NLRP8: variants seen among roughly 807,000 people sequenced by gnomAD.
The protein encoded by NLRP8 is NLR family pyrin domain containing 8, also known as NACHT, LRR and PYD domains-containing protein 8.
Under a neutral mutation model 88.7 loss-of-function variants are expected in NLRP8, and 86 were observed. The observed-to-expected ratio is 0.97, with a 90% CI of 0.81 to 1.16. NLRP8 has a LOEUF of 1.16. Among genes scored for constraint, NLRP8 ranks in the 50% most tolerant of loss-of-function variants. The probability of loss-of-function intolerance (pLI) is 0.00; values close to 1 mark genes in which losing one functional copy is unlikely to be tolerated. For missense variants in NLRP8, 1,342 were observed against 1,286.5 expected (o/e 1.04, Z -0.66); for synonymous variants, 504 against 494.6 (o/e 1.02, Z -0.25).
intron 5 of NLRP8, among the ~76,000 whole-genome samples, chr19:55,967,504 A>G (rs1406181237): frequency 6.6e-6 from 1 of 152,346 alleles, no homozygotes; most frequent in East Asian, 1.9e-4. Flanking sequence ...AGTTCCATCC[A>G]TGTCGTTGCA....
chr19:55,976,250 G>T lies in NLRP8; in HGVS notation c.2823G>T (p.Val941=). The T allele has an allele frequency of 6.2e-7, 1 of 1,613,634 alleles. No homozygotes were observed. The highest frequency in any genetic ancestry group is 8.5e-7 in the Non-Finnish European group (1 of 1,179,886). ...TTAATAGCCTGAAGGATGATGGGGT[G>T]ATCCTGCTGTGTGAGGCCCTGAAGA... Residue 941 remains valine (V), a synonymous_variant, in exon 8 of 10, where the codon GTG becomes GTT. Transcript: ENST00000291971.
At chr19:55,975,992 A>AAAC in intron 7 of NLRP8, 141 bp from the exon 8 acceptor site, 1 of 850,838 alleles carries the variant, frequency 1.2e-6, no homozygotes, top group East Asian at 2.9e-5. Context: ...GCAAAAACAA[A>AAAC]AAACAAACAA....
intron 9 of NLRP8, among the ~76,000 whole-genome samples, chr19:55,983,532 G>T (rs1233892175): frequency 1.3e-5 from 2 of 150,670 alleles, no homozygotes; most frequent in African/African-American, 4.9e-5. Flanking sequence ...CCATCAGAAG[G>T]TGCTGAAACC....
chr19:55,987,767 C>A, intron 9 of NLRP8: 1 of 1,401,240 alleles, frequency 7.1e-7, no homozygotes, highest in Non-Finnish European at 1.0e-6. Context: ...AGTCACTCAT[C>A]CTCAGAAAAT....
chr19:55,970,831 T>A, intron 6 of NLRP8, 135 bp downstream of exon 6: 1 of 1,145,192 alleles, frequency 8.7e-7, no homozygotes, highest in Non-Finnish European at 1.2e-6. Flanking sequence ...GTGATTGATG[T>A]AATTATATAG....
At chr19:55,957,260 G>T (rs1435858657) in intron 3 of NLRP8, among the ~76,000 whole-genome samples, 2 of 152,194 alleles carry the variant, frequency 1.3e-5, no homozygotes, top group Non-Finnish European at 2.9e-5. Flanking sequence ...CCGAGTGAAT[G>T]AACGTTTACA....
At chr19:55,966,442 G>T in intron 5 of NLRP8, 62 bp downstream of exon 5, 1 of 1,445,950 alleles carries the variant, frequency 6.9e-7, no homozygotes. Flanking sequence ...TTTCAAGGGC[G>T]GTGATGAGAG....
At chr19:55,948,597 G>C (rs894392587) in intron 1 of NLRP8, among the ~76,000 whole-genome samples, 2 of 151,988 alleles carry the variant, frequency 1.3e-5, no homozygotes, top group African/African-American at 4.8e-5. Context: ...CACCATGCCT[G>C]GGTAATTTTT....
intron 8 of NLRP8, 103 bp downstream of exon 8, chr19:55,976,406 G>T: frequency 9.9e-7 from 1 of 1,007,616 alleles, no homozygotes; most frequent in East Asian, 2.9e-5. Context: ...TTAAGTTTCT[G>T]GATTGTTCCC....
chr19:55,986,338 TCA>T (rs1229253553), intron 9 of NLRP8, among the ~76,000 whole-genome samples: 7 of 147,318 alleles, frequency 4.8e-5, no homozygotes, highest in Non-Finnish European at 6.0e-5. Context: ...ACTCTCTGTC[TCA>T]CACACATTGT....
intron 2 of NLRP8, among the ~76,000 whole-genome samples, chr19:55,953,256 A>C (rs938570442): frequency 6.6e-6 from 1 of 152,146 alleles, no homozygotes; most frequent in African/African-American, 2.4e-5. Flanking sequence ...TCACCCCTGG[A>C]TGGGACCATC....
chr19:55,957,335 A>G (rs1443885486), intron 3 of NLRP8, among the ~76,000 whole-genome samples: 1 of 152,158 alleles, frequency 6.6e-6, no homozygotes. Flanking sequence ...ACCATATCAG[A>G]CAGCACACCT....
intron 5 of NLRP8, among the ~76,000 whole-genome samples, chr19:55,969,074 G>A (rs1184125767): frequency 6.6e-6 from 1 of 152,144 alleles, no homozygotes; most frequent in Admixed American, 6.5e-5. Flanking sequence ...GACATTTACT[G>A]CCACACACCT....
chr19:55,948,162 T>C lies in NLRP8; in HGVS notation c.260T>C (p.Leu87Pro), dbSNP rs758596078. Reference sequence around the variant, plus strand: ...GCCAGCTGGGCAGAGGTGGTTCATCTCTTGATAGAGCGTTTCCCTGGACGA... The same window carrying C: ...GCCAGCTGGGCAGAGGTGGTTCATCCCTTGATAGAGCGTTTCCCTGGACGA... Residue 87 changes from leucine to proline, a missense_variant, in exon 1 of 10, where the codon CTC becomes CCC. Leu to Pro is a moderately conservative substitution (Grantham distance 98). Transcript: ENST00000291971. The C allele has an allele frequency of 1.2e-6, 2 of 1,614,178 alleles. No individual in the cohort carries two copies. Among genetic ancestry groups the C allele is most frequent in the Admixed American group, 3.3e-5 (2 of 60,010 alleles).
At position 55,966,270 on chromosome 19, in the gene NLRP8, G is replaced by A. The variant is rs931058663; in HGVS notation, c.2271G>A (p.Gly757=). 1.2e-6 allele frequency: 2 copies of A among 1,614,110 alleles called. No individual in the cohort carries two copies. Among genetic ancestry groups the A allele is most frequent in the Non-Finnish European group, 1.7e-6 (2 of 1,179,994 alleles). ...AGGACTTAATCGGTGTTTTGACGGG[G>A]AACCAGCATCTGAGATACTTGGAAA... is the stretch of plus-strand genomic sequence containing the variant. Residue 757 remains glycine (G), a synonymous_variant, in exon 5 of 10, where the codon GGG becomes GGA. Transcript: ENST00000291971.
intron 9 of NLRP8, among the ~76,000 whole-genome samples, chr19:55,986,355 C>A (rs1264206740): frequency 6.6e-6 from 1 of 151,388 alleles, no homozygotes; most frequent in Non-Finnish European, 1.5e-5. Context: ...CATTGTCTCA[C>A]ACCCACTCAC....
In NLRP8 at chr19:55,962,200, G is replaced by T. The variant is rs140042912; in HGVS notation, c.2176G>T (p.Ala726Ser). ...TCCTTTTTTGAAGGCTCTCGCGGCC[G>T]CACTGAGGCACCCTCAGTGCAAACT... is the stretch of plus-strand genomic sequence containing the variant. Residue 726 changes from alanine (A) to serine (S), a missense_variant, in exon 4 of 10, where the codon GCA becomes TCA. Coordinates refer to ENST00000291971, the MANE Select transcript of NLRP8 (RefSeq NM_176811.2). 9 of 1,613,988 alleles carry T rather than the reference G, an allele frequency of 5.6e-6. No individual in the cohort carries two copies. The Admixed American group carries it at 1.2e-4, about 21-fold the overall frequency.
rs1568459788 is a variant in NLRP8, at chr19:55,955,444, G to GTGT, written c.1388_1389insTTG (p.Met462_Trp463insCys). The GTGT allele has an allele frequency of 6.2e-7, 1 of 1,614,226 alleles. No homozygotes were observed. Among genetic ancestry groups the GTGT allele is most frequent in the Non-Finnish European group, 8.5e-7 (1 of 1,180,040 alleles). On this transcript the variant is annotated inframe_insertion, in exon 3 of 10. Coordinates refer to ENST00000291971, the MANE Select transcript of NLRP8 (RefSeq NM_176811.2). ...TGTGTCACTTGGCCGCAGACAGCAT[G>GTGT]TGGCACAGGAAATGGGTGTTAGGTA...
intron 7 of NLRP8, among the ~76,000 whole-genome samples, chr19:55,974,709 C>T (rs546665247): frequency 2.0e-5 from 3 of 148,974 alleles, no homozygotes; most frequent in African/African-American, 7.5e-5. Context: ...GCACTCCAGC[C>T]TGGGCGACAG....
Sources: gnomAD v4.1 joint callset for allele counts (sites outside exome capture counted in the v4.1 genomes callset) on GRCh38, gnomAD v4.1.1 for gene constraint, MANE v1.5 for transcripts, NCBI Gene and HGNC (gene_info 2026-07-23, HGNC 2026-07-21) for gene names.